Variants in SSPN observed in about 807,000 individuals in gnomAD.
SSPN encodes sarcospan.
Under a neutral mutation model 19.1 loss-of-function variants are expected in SSPN, and 15 were observed. The observed-to-expected ratio is 0.78, with a 90% CI of 0.52 to 1.21. The LOEUF (loss-of-function observed/expected upper bound fraction) is 1.21. Among genes scored for constraint, SSPN ranks in the 50% most tolerant of loss-of-function variants. The pLI, the probability that SSPN is intolerant of heterozygous loss-of-function variation, is 0.00. For missense variants in SSPN, 291 were observed against 314.0 expected, an observed-to-expected ratio of 0.93 and a Z score of 0.55; for synonymous variants, 147 against 140.3, an observed-to-expected ratio of 1.05 and a Z score of -0.34.
At chr12:26,146,607 G>C (rs991775431) in intron 1 of SSPN, among the ~76,000 whole-genome samples, 26 of 152,130 alleles carry the variant, frequency 1.7e-4, no homozygotes, top group African/African-American at 5.6e-4. Context: ...CAGATCACTT[G>C]AGGCCAGGAG....
intron 1 of SSPN, chr12:26,179,919 C>CTTTTTTTTTTTTTTTT (rs10591596): frequency 2.9e-5 from 2 of 68,258 alleles, no homozygotes; most frequent in Non-Finnish European, 5.2e-5. Flanking sequence ...TTTAGCTAGG[C>CTTTTTTTTTTTTTTTT]TTTTTTTTTT....
chr12:26,171,268 G>T (rs1448148259), intron 1 of SSPN, among the ~76,000 whole-genome samples: 1 of 152,124 alleles, frequency 6.6e-6, no homozygotes, highest in African/African-American at 2.4e-5. Context: ...TTTTGAATTT[G>T]CCATTGTAAT....
chr12:26,196,741 C>T (rs145816752), intron 1 of SSPN, among the ~76,000 whole-genome samples: 382 of 152,316 alleles, frequency 2.5e-3, no homozygotes, highest in African/African-American at 7.7e-3. Context: ...TTTCTAATCC[C>T]CACATCGTCC....
chr12:26,208,021 G>T (rs111909373), intron 1 of SSPN, among the ~76,000 whole-genome samples: 41 of 95,134 alleles, frequency 4.3e-4, no homozygotes, highest in South Asian at 1.1e-3. Flanking sequence ...GTGGTGGTGG[G>T]GGGGGGGGAT....
chr12:26,196,524 A>G (rs976642110), intron 1 of SSPN, among the ~76,000 whole-genome samples: 6 of 152,220 alleles, frequency 3.9e-5, no homozygotes, highest in African/African-American at 1.2e-4. Context: ...CTAAAGTGGG[A>G]TAAACCCAGG....
At chr12:26,122,478 G>C in intron 1 of SSPN, 2 of 1,340,316 alleles carry the variant, frequency 1.5e-6, no homozygotes, top group Non-Finnish European at 1.9e-6. Flanking sequence ...CAGGCAGAAG[G>C]GGGCCGCGGC....
chr12:26,178,822 G>A (rs1308179631), intron 1 of SSPN, among the ~76,000 whole-genome samples: 1 of 152,160 alleles, frequency 6.6e-6, no homozygotes, highest in Non-Finnish European at 1.5e-5. Context: ...AGCTTCCTGA[G>A]GAGTTTAAAG....
Position 26,233,268 on chromosome 12 carries a change from T to C in SSPN, c.*2192T>C, listed in dbSNP as rs923193989. 1.3e-5 allele frequency: 2 copies of C among 151,826 alleles called. No individual in the cohort carries two copies. Among genetic ancestry groups the C allele is most frequent in the Non-Finnish European group, 2.9e-5 (2 of 68,012 alleles). The allele number at this position is 151,826 out of a possible 1,614,324, so 9.4% of individuals were successfully genotyped here. A position where few individuals can be genotyped will look rare whatever the true frequency, so the allele number is the denominator to read the frequency against. ...TTTTAGCTTCTGTGCTTCCTTTTTCTAAATAATGCAACTTGTAAGAGTTGA... is the reference window on the plus strand; with the variant it reads ...TTTTAGCTTCTGTGCTTCCTTTTTCCAAATAATGCAACTTGTAAGAGTTGA... On this transcript the variant is annotated 3_prime_UTR_variant, in exon 3 of 3. Coordinates refer to ENST00000242729, the MANE Select transcript of SSPN (RefSeq NM_005086.5). The surrounding 1 kb of genome is among the most constrained non-coding windows in gnomAD (Gnocchi z 4.3).
chr12:26,164,866 C>T (rs10505993), intron 1 of SSPN, among the ~76,000 whole-genome samples: 63,322 of 152,078 alleles, frequency 0.42, 15,582 homozygotes, highest in Admixed American at 0.58. Context: ...GAACCCACGT[C>T]TGTAAAGATA....
chr12:26,124,840 G>A (rs757942501), intron 1 of SSPN: 3 of 1,557,900 alleles, frequency 1.9e-6, no homozygotes, highest in Non-Finnish European at 2.7e-6. Flanking sequence ...TAATCTGTGG[G>A]ACGGTAGGCT....
In SSPN at chr12:26,160,810, T is replaced by A. The variant is rs560213813; in HGVS notation, c.-31+38658T>A. 3.4e-4 allele frequency among the ~76,000 whole-genome samples: 52 copies of A among 152,070 alleles called. 1 individual carries two copies. Among genetic ancestry groups the A allele is most frequent in the African/African-American group, 1.2e-3 (49 of 41,478 alleles). ...TAACACAGCAGTGTGAGTGAGCATT[T>A]AAAAAAATCAAAGTCGACTGGGCAT... On this transcript the variant is annotated intron_variant, in intron 1 of 2. Transcript: ENST00000538142.
rs546218680 is a variant in SSPN, at chr12:26,232,581, C to T, written c.*1505C>T. 6.1e-6 allele frequency: 6 copies of T among 985,296 alleles called. No individual in the cohort carries two copies. In the African/African-American group the frequency reaches 7.0e-5, roughly 11 times the overall value. 61.0% of individuals were successfully genotyped at this position (985,296 alleles called of 1,614,324 possible). On this transcript the variant is annotated 3_prime_UTR_variant, in exon 3 of 3. Transcript: ENST00000242729. ...ATGAAATTCTAACCTAAAAGGAAAA[C>T]ATTTTCCTGCTTGTCTTAGAAGAAA... is the stretch of plus-strand genomic sequence containing the variant.
At chr12:26,189,662 T>C (rs1193667953) in intron 1 of SSPN, among the ~76,000 whole-genome samples, 2 of 152,214 alleles carry the variant, frequency 1.3e-5, no homozygotes, top group African/African-American at 4.8e-5. Context: ...TCTCTTTCCT[T>C]CCCTTCACAG....
chr12:26,148,952 A>T (rs1944509102), intron 1 of SSPN, among the ~76,000 whole-genome samples: 1 of 152,136 alleles, frequency 6.6e-6, no homozygotes, highest in Non-Finnish European at 1.5e-5. Flanking sequence ...TGGATTTTTT[A>T]AAATCAGAAA....
chr12:26,179,436 C>G (rs1219738744), intron 1 of SSPN, among the ~76,000 whole-genome samples: 1 of 152,112 alleles, frequency 6.6e-6, no homozygotes, highest in Non-Finnish European at 1.5e-5. Context: ...GGACAGGAGC[C>G]AGGCACTCTG....
At chr12:26,141,782 G>A (rs1488402828) in intron 1 of SSPN, among the ~76,000 whole-genome samples, 5 of 152,102 alleles carry the variant, frequency 3.3e-5, no homozygotes, top group East Asian at 1.9e-4. Flanking sequence ...TTCAGTAAAC[G>A]CTCAGTGAAT....
chr12:26,158,433 C>T (rs1439667255), intron 1 of SSPN, among the ~76,000 whole-genome samples: 1 of 152,218 alleles, frequency 6.6e-6, no homozygotes. Context: ...CAGACTCAAC[C>T]TTCCTAGCCA....
At chr12:26,150,347 G>T (rs763780243) in intron 1 of SSPN, among the ~76,000 whole-genome samples, 1 of 152,150 alleles carries the variant, frequency 6.6e-6, no homozygotes, top group Non-Finnish European at 1.5e-5. Context: ...ATGTGTATGC[G>T]ATGCCCTCCC....
Position 26,232,213 on chromosome 12 carries a change from T to C in SSPN, c.*1137T>C. 1.0e-6 allele frequency: 1 copy of C among 985,468 alleles called. No individual in the cohort carries two copies. Among genetic ancestry groups the C allele is most frequent in the Non-Finnish European group, 1.2e-6 (1 of 829,916 alleles). The allele number at this position is 985,468 out of a possible 1,614,324, so 61.0% of individuals were successfully genotyped here. ...TGTATTTGATACATAATCCTATTATTAATTCGTATGCTTAGTCAACCTAGG... is the reference window on the plus strand; with the variant it reads ...TGTATTTGATACATAATCCTATTATCAATTCGTATGCTTAGTCAACCTAGG... On this transcript the variant is annotated 3_prime_UTR_variant, in exon 3 of 3. Coordinates refer to ENST00000242729, the MANE Select transcript of SSPN (RefSeq NM_005086.5).
Sources: gnomAD v4.1 joint callset for allele counts (sites outside exome capture counted in the v4.1 genomes callset) on GRCh38, gnomAD v4.1.1 for gene constraint, Gnocchi (gnomAD v3.1) non-coding constraint, MANE v1.5 for transcripts, NCBI Gene and HGNC (gene_info 2026-07-23, HGNC 2026-07-21) for gene names.